The following ASB18 variants were observed in gnomAD, a reference collection of about 807,000 sequenced individuals.
ASB18 encodes the protein ankyrin repeat and SOCS box containing 18.
Under a neutral mutation model 33.4 loss-of-function variants are expected in ASB18, and 33 were observed. That is an observed-to-expected ratio of 0.99 (90% CI 0.75 to 1.32). The LOEUF is 1.32. Among genes scored for constraint, ASB18 ranks in the 40% most tolerant of loss-of-function variants. ASB18 has a pLI of 0.00. For missense variants in ASB18, 694 were observed against 655.5 expected (o/e 1.06, Z -0.64); for synonymous variants, 295 against 307.6 (o/e 0.96, Z 0.43).
Position 236,237,814 on chromosome 2 carries a change from G to A in ASB18, c.471C>T (p.His157=), listed in dbSNP as rs1301033106. Residue 157 remains histidine, a synonymous_variant, in exon 3 of 6, where the codon CAC becomes CAT. Transcript: ENST00000409749. This position sits in a 1 kb window ranked among gnomAD's most constrained non-coding sequence, Gnocchi z 6.2. ...CGGTGTGGCCCCCGAGGCAGGCCTCGTGCAGGGCGCCGCGGCCGCCGGGGC... is the reference window on the plus strand; with the variant it reads ...CGGTGTGGCCCCCGAGGCAGGCCTCATGCAGGGCGCCGCGGCCGCCGGGGC... ...DASPGGRGAL[H]EACLGGHTAC... The A allele has an allele frequency of 8.0e-6, 11 of 1,382,266 alleles. No homozygotes were observed. Among genetic ancestry groups the A allele is most frequent in the Non-Finnish European group, 1.0e-5 (11 of 1,078,532 alleles). The allele number at this position is 1,382,266 out of a possible 1,614,324, so 85.6% of individuals were successfully genotyped here. A position where few individuals can be genotyped will look rare whatever the true frequency, so the allele number is the denominator to read the frequency against.
Position 236,262,883 on chromosome 2 carries a change from A to AG in ASB18, c.205+1257dup, listed in dbSNP as rs201561266. The stretch of plus-strand genomic sequence containing the variant: ...CAGCCCAGAAAGTAGACCCAAACCA[A>AG]GGGGGGGGGGCGGACCCCCTCGGAA... On this transcript the variant is annotated intron_variant, in intron 1 of 5. Coordinates refer to ENST00000409749, the MANE Select transcript of ASB18 (RefSeq NM_212556.4). The surrounding 1 kb of genome is among the most constrained non-coding windows in gnomAD (Gnocchi z 5.2). 0.034 allele frequency among the ~76,000 whole-genome samples: 1,596 copies of AG among 46,964 alleles called. 10 individuals carry two copies. The highest frequency in any genetic ancestry group is 0.062 in the African/African-American group (854 of 13,808). The allele number at this position is 46,964 out of a possible 152,430, so 30.8% of individuals were successfully genotyped here.
rs957741544 is a variant in ASB18 at position 236,252,044 on chromosome 2, G to A, written c.206-10642C>T. 3.4e-4 allele frequency among the ~76,000 whole-genome samples: 52 copies of A among 152,302 alleles called. No homozygotes were observed. Among genetic ancestry groups the A allele is most frequent in the African/African-American group, 1.2e-3 (48 of 41,574 alleles). On this transcript the variant is annotated intron_variant, in intron 1 of 5. Coordinates refer to ENST00000409749, the MANE Select transcript of ASB18 (RefSeq NM_212556.4). The surrounding 1 kb of genome is among the most constrained non-coding windows in gnomAD (Gnocchi z 7.9). Reference sequence around the variant, plus strand: ...CCAGCACTTTGGGAGGCTGAGGCAGGTGAATCACCTGAGGTCAGGAGTTCC... The same window carrying A: ...CCAGCACTTTGGGAGGCTGAGGCAGATGAATCACCTGAGGTCAGGAGTTCC...
chr2:236,246,491 C>T (rs946813851), intron 1 of ASB18, among the ~76,000 whole-genome samples: 5 of 150,974 alleles, frequency 3.3e-5, no homozygotes, highest in African/African-American at 7.3e-5. Context: ...TCAATGTCAT[C>T]AATTGGAACA....
rs1318641004 is a variant in ASB18 at position 236,213,203 on chromosome 2, G to C, written c.1101+1159C>G. Among the ~76,000 whole-genome samples the C allele has an allele frequency of 6.6e-6, 1 of 152,080 alleles. No homozygotes were observed. Among genetic ancestry groups the C allele is most frequent in the Non-Finnish European group, 1.5e-5 (1 of 68,024 alleles). Reference sequence around the variant, plus strand: ...GAGCACCACAAGACAATTACCCAAAGAGGGGGTGAGACAGCATCGGGAAAG... The same window carrying C: ...GAGCACCACAAGACAATTACCCAAACAGGGGGTGAGACAGCATCGGGAAAG... On this transcript the variant is annotated intron_variant, in intron 4 of 5. Coordinates refer to ENST00000409749, the MANE Select transcript of ASB18 (RefSeq NM_212556.4). The surrounding 1 kb of genome is among the most constrained non-coding windows in gnomAD (Gnocchi z 4.8).
intron 4 of ASB18, among the ~76,000 whole-genome samples, chr2:236,199,632 T>C (rs1246277318): frequency 6.6e-6 from 1 of 151,848 alleles, no homozygotes; most frequent in Non-Finnish European, 1.5e-5. Flanking sequence ...ACTTTTCTCA[T>C]TTGAAATAGT....
Position 236,237,776 on chromosome 2 carries a change from A to C in ASB18, c.509T>G (p.Leu170Arg). 6.9e-7 allele frequency: 1 copy of C among 1,442,302 alleles called. No individual in the cohort carries two copies. Among genetic ancestry groups the C allele is most frequent in the African/African-American group, 1.5e-5 (1 of 67,448 alleles). 89.3% of individuals were successfully genotyped at this position (1,442,302 alleles called of 1,614,324 possible). Residue 170 changes from leucine (L) to arginine (R), a missense_variant, in exon 3 of 6, where the codon CTG becomes CGG. Physicochemically the swap from Leu to Arg is moderately radical, Grantham distance 102 (BLOSUM62 -2). Transcript: ENST00000409749. The surrounding 1 kb of genome is among the most constrained non-coding windows in gnomAD (Gnocchi z 6.2). The stretch of plus-strand genomic sequence containing the variant: ...GGGGTCGGCGCGGTGCTGCAGCAGC[A>C]GGCGGACGCAGGCGGTGTGGCCCCC... ...CLGGHTACVRLLLQHRADPDL... is the reference protein window; with the variant it reads ...CLGGHTACVRRLLQHRADPDL...
At position 236,253,681 on chromosome 2, in the gene ASB18, C is replaced by A. The variant is rs1275619346; in HGVS notation, c.205+10460G>T. 6.6e-6 allele frequency: 1 copy of A among 152,140 alleles called. No homozygotes were observed. Among genetic ancestry groups the A allele is most frequent in the Non-Finnish European group, 1.5e-5 (1 of 68,026 alleles). 9.4% of individuals were successfully genotyped at this position (152,140 alleles called of 1,614,324 possible). ...GGGATTACAGGTCTGAGCTACTTCA[C>A]CTGGTCTGATTCTCTTTCAAAATAC... On this transcript the variant is annotated intron_variant, in intron 1 of 5. Coordinates refer to ENST00000409749, the MANE Select transcript of ASB18 (RefSeq NM_212556.4). This position sits in a 1 kb window ranked among gnomAD's most constrained non-coding sequence, Gnocchi z 5.4.
Position 236,245,342 on chromosome 2 carries a change from G to T in ASB18, c.206-3940C>A, listed in dbSNP as rs2060639822. On this transcript the variant is annotated intron_variant, in intron 1 of 5. Coordinates refer to ENST00000409749, the MANE Select transcript of ASB18 (RefSeq NM_212556.4). This position sits in a 1 kb window ranked among gnomAD's most constrained non-coding sequence, Gnocchi z 4.7. ...ACCCTTGATGTCATTTGCAGGTGAG[G>T]AAACTGGGACTCACAGATTCAGTTA... Among the ~76,000 whole-genome samples the T allele has an allele frequency of 1.3e-5, 2 of 152,154 alleles. No individual in the cohort carries two copies. Among genetic ancestry groups the T allele is most frequent in the South Asian group, 4.1e-4 (2 of 4,826 alleles).
In ASB18 at chr2:236,239,213, G is replaced by T. The variant is rs1350277710; in HGVS notation, c.329-1257C>A. On this transcript the variant is annotated intron_variant, in intron 2 of 5. Coordinates refer to ENST00000409749, the MANE Select transcript of ASB18 (RefSeq NM_212556.4). This position sits in a 1 kb window ranked among gnomAD's most constrained non-coding sequence, Gnocchi z 5.6. Reference sequence around the variant, plus strand: ...TGCAGGTGCCAGCTCTTGGTTTTTTGATTCGATTTGTTTTTCTGAGAGATG... The same window carrying T: ...TGCAGGTGCCAGCTCTTGGTTTTTTTATTCGATTTGTTTTTCTGAGAGATG... Among the ~76,000 whole-genome samples, 2 of 152,170 alleles carry T rather than the reference G, an allele frequency of 1.3e-5. No individual in the cohort carries two copies. The highest frequency in any genetic ancestry group is 1.9e-4 in the East Asian group (1 of 5,190).
rs1451872399 is a variant in ASB18, at chr2:236,211,089, A to C, written c.1101+3273T>G. Among the ~76,000 whole-genome samples, 1 of 152,192 alleles carries C rather than the reference A, an allele frequency of 6.6e-6. No individual in the cohort carries two copies. The highest frequency in any genetic ancestry group is 2.4e-5 in the African/African-American group (1 of 41,434). ...CCCCTGAGCACAGCCTTTTATCCAG[A>C]CCAAGCATCCAGCCCAAAAAGTCAC... On this transcript the variant is annotated intron_variant, in intron 4 of 5. Coordinates refer to ENST00000409749, the MANE Select transcript of ASB18 (RefSeq NM_212556.4). The surrounding 1 kb of genome is among the most constrained non-coding windows in gnomAD (Gnocchi z 5.0).
chr2:236,250,286 T>C lies in ASB18; in HGVS notation c.206-8884A>G, dbSNP rs1258405070. Reference sequence around the variant, plus strand: ...GTGGCAGGGCCAGGCTTATTCTCCATGGCCACAACTTTCCATGCCTTCAAG... The same window carrying C: ...GTGGCAGGGCCAGGCTTATTCTCCACGGCCACAACTTTCCATGCCTTCAAG... On this transcript the variant is annotated intron_variant, in intron 1 of 5. Transcript: ENST00000409749. The surrounding 1 kb of genome is among the most constrained non-coding windows in gnomAD (Gnocchi z 4.1). The C allele has an allele frequency of 6.6e-6, 1 of 152,254 alleles. No individual in the cohort carries two copies. The highest frequency in any genetic ancestry group is 1.9e-4 in the East Asian group (1 of 5,196). 9.4% of individuals were successfully genotyped at this position (152,254 alleles called of 1,614,324 possible).
At position 236,222,364 on chromosome 2, in the gene ASB18, C is replaced by A. The variant is rs114257901; in HGVS notation, c.597-7498G>T. ...AACTGGTTGGCCATTTCTATCATCA[C>A]GGTTTCCCTTGGAGCAATGGCTGCC... is the stretch of plus-strand genomic sequence containing the variant. On this transcript the variant is annotated intron_variant, in intron 3 of 5. Transcript: ENST00000409749. This position sits in a 1 kb window ranked among gnomAD's most constrained non-coding sequence, Gnocchi z 5.5. Among the ~76,000 whole-genome samples, 1 of 152,166 alleles carries A rather than the reference C, an allele frequency of 6.6e-6. No individual in the cohort carries two copies. The highest frequency in any genetic ancestry group is 1.5e-5 in the Non-Finnish European group (1 of 68,024).
Position 236,211,185 on chromosome 2 carries a change from A to ACAGGCC in ASB18, c.1101+3171_1101+3176dup, listed in dbSNP as rs2060457239. ...TCTCTGCCTTCCTACCTGCTGTCCA[A>ACAGGCC]CAGGCCCAGCCCCAGCCTGCCCTGA... On this transcript the variant is annotated intron_variant, in intron 4 of 5. Coordinates refer to ENST00000409749, the MANE Select transcript of ASB18 (RefSeq NM_212556.4). This position sits in a 1 kb window ranked among gnomAD's most constrained non-coding sequence, Gnocchi z 5.0. Among the ~76,000 whole-genome samples the ACAGGCC allele has an allele frequency of 6.6e-6, 1 of 152,188 alleles. No individual in the cohort carries two copies. The highest frequency in any genetic ancestry group is 2.1e-4 in the South Asian group (1 of 4,822).
At chr2:236,197,341 C>A (rs2060378916) in intron 4 of ASB18, among the ~76,000 whole-genome samples, 1 of 152,142 alleles carries the variant, frequency 6.6e-6, no homozygotes, top group African/African-American at 2.4e-5. Flanking sequence ...CCAGTTAGGG[C>A]CGATATAATG....
rs903510261 is a variant in ASB18 at position 236,223,092 on chromosome 2, C to T, written c.597-8226G>A. Among the ~76,000 whole-genome samples the T allele has an allele frequency of 2.0e-5, 3 of 152,210 alleles. No individual in the cohort carries two copies. The highest frequency in any genetic ancestry group is 4.4e-5 in the Non-Finnish European group (3 of 68,042). ...TGTGGTGTGCCTGCTTGCTGTTTGC[C>T]TTCTGCCATGAGTAAAAAGCTTCCT... On this transcript the variant is annotated intron_variant, in intron 3 of 5. Transcript: ENST00000409749. The surrounding 1 kb of genome is among the most constrained non-coding windows in gnomAD (Gnocchi z 4.6).
In ASB18 at chr2:236,223,300, T is replaced by A. The variant is rs1325893761; in HGVS notation, c.597-8434A>T. On this transcript the variant is annotated intron_variant, in intron 3 of 5. Coordinates refer to ENST00000409749, the MANE Select transcript of ASB18 (RefSeq NM_212556.4). This position sits in a 1 kb window ranked among gnomAD's most constrained non-coding sequence, Gnocchi z 4.6. ...GCATTTGACTTTCTAGAAGCTTCAT[T>A]GGTGTGCCTTCCTCAGTAAGGCATG... is the stretch of plus-strand genomic sequence containing the variant. Among the ~76,000 whole-genome samples, 1 of 152,198 alleles carries A rather than the reference T, an allele frequency of 6.6e-6. No homozygotes were observed. Among genetic ancestry groups the A allele is most frequent in the Non-Finnish European group, 1.5e-5 (1 of 68,032 alleles).
In ASB18 at chr2:236,263,675, A is replaced by G. The variant is rs7589828; in HGVS notation, c.205+466T>C. On this transcript the variant is annotated intron_variant, in intron 1 of 5. Transcript: ENST00000409749. This position sits in a 1 kb window ranked among gnomAD's most constrained non-coding sequence, Gnocchi z 4.0. ...AAAGATGTTCGTTACAGCATTATTT[A>G]TAGAAGCAAAAAGGTAACCAAATAC... is the stretch of plus-strand genomic sequence containing the variant. Among the ~76,000 whole-genome samples the G allele has an allele frequency of 0.049, 7,426 of 152,168 alleles. 558 individuals carry two copies. The highest frequency in any genetic ancestry group is 0.16 in the African/African-American group (6,734 of 41,382).
rs997831207 is a variant in ASB18 at position 236,206,498 on chromosome 2, A to C, written c.1101+7864T>G. ...GCTGACTCACTGAGGTTGGCAGAGC[A>C]GAGAGTTGGGAAGCACCAGGTTCTT... On this transcript the variant is annotated intron_variant, in intron 4 of 5. Coordinates refer to ENST00000409749, the MANE Select transcript of ASB18 (RefSeq NM_212556.4). Among the ~76,000 whole-genome samples the C allele has an allele frequency of 3.9e-5, 6 of 152,242 alleles. No homozygotes were observed. The South Asian group carries it at 1.2e-3, about 32-fold the overall frequency.
chr2:236,218,086 G>C (rs2060495943), intron 3 of ASB18, among the ~76,000 whole-genome samples: 1 of 152,182 alleles, frequency 6.6e-6, no homozygotes, highest in Non-Finnish European at 1.5e-5. Context: ...CACGTGCACA[G>C]CCTATAGCTG....
Sources: gnomAD v4.1 joint callset for allele counts (sites outside exome capture counted in the v4.1 genomes callset) on GRCh38, gnomAD v4.1.1 for gene constraint, Gnocchi (gnomAD v3.1) non-coding constraint, MANE v1.5 for transcripts, NCBI Gene and HGNC (gene_info 2026-07-23, HGNC 2026-07-21) for gene names.